Variants in USP54 observed in about 807,000 individuals in gnomAD.
The protein encoded by USP54 is ubiquitin specific peptidase 54.
A neutral mutation model predicts 170.5 loss-of-function variants in USP54; 87 were observed. The ratio of observed to expected loss-of-function variants is 0.51; its 90% confidence interval spans 0.43 to 0.61. USP54 has a LOEUF of 0.61. Ranked by LOEUF, USP54 falls within the 20% of genes least tolerant of loss-of-function variation. The pLI is 0.00. For missense variants in USP54, 1,786 were observed against 2,047.8 expected (o/e 0.87, Z 2.47); for synonymous variants, 655 against 742.8 (o/e 0.88, Z 1.92).
rs192895268 is a variant in USP54, at chr10:73,520,778, G to A, written c.2482+130C>T. ...ATCAAAGGGCAAAAACAGCTAACGC[G>A]ACTCAGTTTGGGAGAGCAAGAGTGA... On this transcript the variant is annotated intron_variant, in intron 18 of 23. Transcript: ENST00000687698. The A allele has an allele frequency of 1.5e-4, 204 of 1,317,784 alleles. No homozygotes were observed. In the African/African-American group the frequency reaches 2.0e-3, roughly 13 times the overall value. The allele number at this position is 1,317,784 out of a possible 1,614,324, so 81.6% of individuals were successfully genotyped here.
intron 19 of USP54, chr10:73,519,578 T>C (rs2061594413): frequency 1.6e-6 from 1 of 642,786 alleles, no homozygotes; most frequent in Non-Finnish European, 2.6e-6. Context: ...GGACAAATGG[T>C]CTTATTATGC....
Position 73,545,591 on chromosome 10 carries a change from G to C in USP54, c.322C>G (p.Gln108Glu), listed in dbSNP as rs377270684. 1.9e-6 allele frequency: 3 copies of C among 1,614,156 alleles called. No individual in the cohort carries two copies. The South Asian group carries it at 3.3e-5, about 18-fold the overall frequency. ...TLRSALAKTF[Q>E]DEQRFQLGIM... ...CCCAGCTGGAAACGTTGTTCATCCT[G>C]GAAAGTCTTTGCCAGAGCACTGCGG... Residue 108 changes from glutamine (Q) to glutamate (E), a missense_variant, in exon 5 of 24, where the codon CAG becomes GAG. Coordinates refer to ENST00000687698, the MANE Select transcript of USP54 (RefSeq NM_001391956.1).
chr10:73,539,427 G>T lies in USP54; in HGVS notation c.975+17C>A. 1 of 1,580,260 alleles carries T rather than the reference G, an allele frequency of 6.3e-7. No individual in the cohort carries two copies. The highest frequency in any genetic ancestry group is 1.2e-5 in the South Asian group (1 of 85,788). ...TGTAGTCACCAAACACTTCAAAAAG[G>T]ACTTGACTACTCCTACCTCCTTGAC... On this transcript the variant is annotated intron_variant, in intron 10 of 23. Coordinates refer to ENST00000687698, the MANE Select transcript of USP54 (RefSeq NM_001391956.1).
chr10:73,543,144 G>T lies in USP54; in HGVS notation c.376-13C>A. The T allele has an allele frequency of 6.3e-7, 1 of 1,575,008 alleles. No homozygotes were observed. Among genetic ancestry groups the T allele is most frequent in the South Asian group, 1.1e-5 (1 of 90,200 alleles). ...TCAGGAGGTTTTCCTGACAGGGAAAGAACAAAAGCAGTATACCAACAATAT... is the reference window on the plus strand; with the variant it reads ...TCAGGAGGTTTTCCTGACAGGGAAATAACAAAAGCAGTATACCAACAATAT... On this transcript the variant is annotated splice_polypyrimidine_tract_variant and intron_variant, in intron 5 of 23. Coordinates refer to ENST00000687698, the MANE Select transcript of USP54 (RefSeq NM_001391956.1).
chr10:73,560,663 CAAAAAA>C (rs751168962), intron 4 of USP54, among the ~76,000 whole-genome samples: 1 of 16,490 alleles, frequency 6.1e-5, no homozygotes, highest in South Asian at 1.6e-3. Flanking sequence ...AACTCCGTCT[CAAAAAA>C]AAAAAAAAAA....
At chr10:73,583,017 C>T (rs1231114387) in intron 1 of USP54, among the ~76,000 whole-genome samples, 1 of 152,130 alleles carries the variant, frequency 6.6e-6, no homozygotes, top group African/African-American at 2.4e-5. Flanking sequence ...CTTGCCTAAA[C>T]CATAATCTCA....
In USP54 at chr10:73,516,798, A is replaced by G; in HGVS notation, c.3628T>C (p.Leu1210=). The G allele has an allele frequency of 1.2e-6, 2 of 1,614,200 alleles. No homozygotes were observed. The highest frequency in any genetic ancestry group is 1.1e-5 in the South Asian group (1 of 91,086). The change falls in exon 20 of 24, where the codon TTA becomes CTA. Residue 1210 remains leucine, a synonymous_variant. Transcript: ENST00000687698. ...TCACCATTAGGCAGCCCAGAGTTTA[A>G]GGCAAGAGAAGAATGTTCAGTGGAC... ...EESTEHSSLA[L]NSGLPNGETS...
At chr10:73,514,375 C>T (rs1200261310) in intron 20 of USP54, among the ~76,000 whole-genome samples, 6 of 151,782 alleles carry the variant, frequency 4.0e-5, no homozygotes, top group African/African-American at 1.5e-4. Flanking sequence ...TGAGCCTGGC[C>T]AACATGGTGA....
At chr10:73,575,161 G>GTTGCAGTGAGCCGAGA in intron 3 of USP54, among the ~76,000 whole-genome samples, 1 of 152,090 alleles carries the variant, frequency 6.6e-6, no homozygotes, top group East Asian at 1.9e-4. Flanking sequence ...GGAGGCGGAG[G>GTTGCAGTGAGCCGAGA]TTGCAGTGAG....
intron 10 of USP54, among the ~76,000 whole-genome samples, chr10:73,538,787 G>C (rs1441904656): frequency 6.6e-6 from 1 of 152,124 alleles, no homozygotes; most frequent in African/African-American, 2.4e-5. Context: ...ACTCCAGCCT[G>C]GGCAATAGAG....
At chr10:73,608,304 A>G (rs977821199) in intron 1 of USP54, among the ~76,000 whole-genome samples, 2 of 152,064 alleles carry the variant, frequency 1.3e-5, no homozygotes, top group African/African-American at 2.4e-5. Flanking sequence ...GACTTTCTCT[A>G]TTGTCTCATT....
At chr10:73,612,125 TAG>T (rs1389510857) in intron 1 of USP54, among the ~76,000 whole-genome samples, 8 of 151,968 alleles carry the variant, frequency 5.3e-5, no homozygotes, top group African/African-American at 1.9e-4. Flanking sequence ...TAAAATAAAA[TAG>T]ATAGACAGAA....
chr10:73,571,287 C>A, intron 4 of USP54, 134 bp downstream of exon 4: 2 of 695,342 alleles, frequency 2.9e-6, no homozygotes, highest in African/African-American at 1.8e-5. Context: ...AAATCATATC[C>A]ATTTTTGCAC....
Position 73,539,567 on chromosome 10 carries a change from C to A in USP54, c.852G>T (p.Arg284=), listed in dbSNP as rs1475990583. The A allele has an allele frequency of 1.2e-6, 2 of 1,605,758 alleles. No individual in the cohort carries two copies. The highest frequency in any genetic ancestry group is 2.2e-5 in the East Asian group (1 of 44,812). Residue 284 remains arginine, a synonymous_variant, in exon 10 of 24, where the codon CGG becomes CGT. Transcript: ENST00000687698. The part of the protein sequence containing the change: ...GDLFFRVTDD[R]AKQSELYLVG... ...CTAAGTACAGTTCAGATTGCTTGGC[C>A]CGGTCATCCGTCACTCTGAAAAACA...
intron 10 of USP54, among the ~76,000 whole-genome samples, chr10:73,539,079 G>T (rs1401087473): frequency 6.6e-6 from 1 of 151,892 alleles, no homozygotes; most frequent in Non-Finnish European, 1.5e-5. Flanking sequence ...AGGAGTTCGA[G>T]ACCAGCCTGG....
intron 4 of USP54, among the ~76,000 whole-genome samples, chr10:73,567,667 C>T (rs1302527164): frequency 6.6e-6 from 1 of 152,044 alleles, no homozygotes; most frequent in Non-Finnish European, 1.5e-5. Context: ...AGTGAAACTC[C>T]ATCTCAAAGA....
chr10:73,500,888 G>T, intron 22 of USP54, 50 bp from the exon 23 acceptor site: 1 of 1,554,132 alleles, frequency 6.4e-7, no homozygotes, highest in Non-Finnish European at 8.6e-7. Flanking sequence ...TTAACACAAA[G>T]CAGGATGTAG....
chr10:73,516,556 G>A lies in USP54; in HGVS notation c.3870C>T (p.Ser1290=). Residue 1290 remains serine (S), a synonymous_variant, in exon 20 of 24, where the codon TCC becomes TCT. Coordinates refer to ENST00000687698, the MANE Select transcript of USP54 (RefSeq NM_001391956.1). ...RPGMKSSPHD[S]HTCVTYPERN... The stretch of plus-strand genomic sequence containing the variant: ...TCTCTGGATAGGTTACACACGTATG[G>A]GAATCATGAGGGGAGGACTTCATTC... 6.2e-7 allele frequency: 1 copy of A among 1,614,178 alleles called. No individual in the cohort carries two copies. The highest frequency in any genetic ancestry group is 2.2e-5 in the East Asian group (1 of 44,884).
chr10:73,532,092 T>C (rs896257255), intron 12 of USP54, among the ~76,000 whole-genome samples: 1 of 152,214 alleles, frequency 6.6e-6, no homozygotes, highest in Non-Finnish European at 1.5e-5. Flanking sequence ...CTTGGAATCT[T>C]GTATTGCTTT....
Sources: allele counts gnomAD v4.1 joint callset (sites outside exome capture counted in the v4.1 genomes callset), GRCh38; gene constraint gnomAD v4.1.1; transcripts MANE v1.5; gene names NCBI Gene and HGNC (gene_info 2026-07-23, HGNC 2026-07-21).